The following NOTCH1 variants were observed in gnomAD, a reference collection of about 807,000 sequenced individuals.
NOTCH1 encodes the protein neurogenic locus notch homolog protein 1.
A neutral mutation model predicts 254.8 loss-of-function variants in NOTCH1; 37 were observed. That is an observed-to-expected ratio of 0.15 (90% CI 0.11 to 0.19). The LOEUF (loss-of-function observed/expected upper bound fraction) is 0.19. Ranked by LOEUF, NOTCH1 falls within the 10% of genes least tolerant of loss-of-function variation. NOTCH1 has a pLI of 1.00. For missense variants in NOTCH1, 2,972 were observed against 3,708.6 expected, an observed-to-expected ratio of 0.80 and a Z score of 5.16; for synonymous variants, 1,731 against 1,618.1, an observed-to-expected ratio of 1.07 and a Z score of -1.68.
rs2133339484 is a variant in NOTCH1, at chr9:136,505,518, T to C, written c.4378A>G (p.Asn1460Asp). 6.2e-7 allele frequency: 1 copy of C among 1,612,642 alleles called. No individual in the cohort carries two copies. The highest frequency in any genetic ancestry group is 8.5e-7 in the Non-Finnish European group (1 of 1,179,954). The change falls in exon 25 of 34, where the codon AAC (asparagine) becomes GAC (aspartate). Residue 1460 changes from asparagine (N) to aspartate (D), a missense_variant. By Grantham distance (23) the Asn-to-Asp change is conservative (BLOSUM62 1). Transcript: ENST00000651671. ...TTGCACTGCAGGCTGCAGACCTTGT[T>C]GCCCGCGTCCTCCTGGCACTCGGGC... ...ELPECQEDAG[N>D]KVCSLQCNNH...
At chr9:136,535,082 T>C (rs544339969) in intron 2 of NOTCH1, among the ~76,000 whole-genome samples, 1 of 73,400 alleles carries the variant, frequency 1.4e-5, no homozygotes, top group East Asian at 4.3e-4. Context: ...TTCCAGGAAA[T>C]TGCAGGAACC....
At chr9:136,543,800 G>A in intron 2 of NOTCH1, 1 of 628,574 alleles carries the variant, frequency 1.6e-6, no homozygotes. Flanking sequence ...GGCCCACGGA[G>A]GAGTGCCCAA....
chr9:136,518,890 C>A, intron 5 of NOTCH1, 66 bp from the exon 6 acceptor site: 1 of 1,451,288 alleles, frequency 6.9e-7, no homozygotes, highest in Non-Finnish European at 9.6e-7. Context: ...TCCCCTAAGA[C>A]GCAGGGTGGC....
chr9:136,522,565 C>A (rs1356821489), intron 4 of NOTCH1: 1 of 475,206 alleles, frequency 2.1e-6, no homozygotes, highest in Non-Finnish European at 3.7e-6. Context: ...AGGGTGCCTG[C>A]ACTGGGGGGA....
intron 27 of NOTCH1, chr9:136,502,926 G>A (rs566795857): frequency 4.4e-6 from 3 of 680,396 alleles, no homozygotes; most frequent in South Asian, 1.5e-5. Flanking sequence ...AATTCAGGAG[G>A]AAAGGGTGGG....
rs769619561 is a variant in NOTCH1, at chr9:136,507,378, G to A, written c.3570C>T (p.His1190=). ...GGCAGGTGCCCCCGTTCTGGCAGGG[G>A]TGGGAGAGGCACTCGTCGATCTCCT... ...CSEEIDECLS[H]PCQNGGTCLD... Residue 1190 remains histidine, a synonymous_variant, in exon 22 of 34, where the codon CAC becomes CAT. Transcript: ENST00000651671. The A allele has an allele frequency of 1.2e-6, 2 of 1,612,586 alleles. No individual in the cohort carries two copies. Among genetic ancestry groups the A allele is most frequent in the Non-Finnish European group, 1.7e-6 (2 of 1,179,796 alleles).
intron 6 of NOTCH1, 110 bp from the exon 7 acceptor site, chr9:136,518,402 AC>A: frequency 7.0e-7 from 1 of 1,425,106 alleles, no homozygotes; most frequent in Non-Finnish European, 9.6e-7. Context: ...GCCCGCCGTG[AC>A]CCCGTCGGGC....
chr9:136,499,440 TG>T (rs1158481054), intron 31 of NOTCH1, among the ~76,000 whole-genome samples, 181 bp from the exon 32 acceptor site: 1 of 152,172 alleles, frequency 6.6e-6, no homozygotes. Flanking sequence ...GGGGCCCGGA[TG>T]GGGGCAGGGG....
chr9:136,532,523 C>A lies in NOTCH1; in HGVS notation c.141-8544G>T, dbSNP rs1186458441. Among the ~76,000 whole-genome samples the A allele has an allele frequency of 2.0e-5, 3 of 152,208 alleles. No individual in the cohort carries two copies. In the East Asian group the frequency reaches 5.8e-4, roughly 29 times the overall value. On this transcript the variant is annotated intron_variant, in intron 2 of 33. Coordinates refer to ENST00000651671, the MANE Select transcript of NOTCH1 (RefSeq NM_017617.5). ...GGGCCCCCACAGCACCAGGAAGGGG[C>A]TCCAGGGTGGATGACACAGATGACA...
Position 136,500,851 on chromosome 9 carries a change from C to G in NOTCH1, c.5639-4G>C, listed in dbSNP as rs2133326894. On this transcript the variant is annotated splice_region_variant and splice_polypyrimidine_tract_variant and intron_variant, in intron 30 of 33. Transcript: ENST00000651671. Reference sequence around the variant, plus strand: ...ATCATGAGCGGGGTGAAGCCATCTGCAGAGGCAGAGACGGGTGCTCAGTCT... The same window carrying G: ...ATCATGAGCGGGGTGAAGCCATCTGGAGAGGCAGAGACGGGTGCTCAGTCT... 1.3e-6 allele frequency: 2 copies of G among 1,588,068 alleles called. No individual in the cohort carries two copies. Among genetic ancestry groups the G allele is most frequent in the South Asian group, 2.2e-5 (2 of 90,136 alleles).
At chr9:136,534,430 G>A (rs1331855025) in intron 2 of NOTCH1, among the ~76,000 whole-genome samples, 1 of 152,172 alleles carries the variant, frequency 6.6e-6, no homozygotes, top group Non-Finnish European at 1.5e-5. Flanking sequence ...AGCAAGGTCG[G>A]GGCGTGTCAC....
At chr9:136,536,934 G>A (rs576486110) in intron 2 of NOTCH1, among the ~76,000 whole-genome samples, 8 of 152,358 alleles carry the variant, frequency 5.3e-5, no homozygotes, top group Middle Eastern at 3.4e-3. Flanking sequence ...CAGTGACCGC[G>A]GCCCCACTGT....
intron 4 of NOTCH1, among the ~76,000 whole-genome samples, chr9:136,520,772 C>T (rs1031292556): frequency 6.6e-6 from 1 of 151,808 alleles, no homozygotes; most frequent in Admixed American, 6.6e-5. Context: ...GCCTGAGTCC[C>T]GGTCCCACTC....
At position 136,542,860 on chromosome 9, in the gene NOTCH1, A is replaced by G. The variant is rs77176962; in HGVS notation, c.140+1164T>C. On this transcript the variant is annotated intron_variant, in intron 2 of 33. Coordinates refer to ENST00000651671, the MANE Select transcript of NOTCH1 (RefSeq NM_017617.5). ...TTTTCCAGACACCAAACACCTCCTC[A>G]TTATTCTCATCAGGGATGGACTCAA... is the stretch of plus-strand genomic sequence containing the variant. 6.2e-3 allele frequency: 950 copies of G among 152,306 alleles called. 13 individuals are homozygous for G. Among genetic ancestry groups the G allele is most frequent in the African/African-American group, 0.022 (902 of 41,504 alleles). 9.4% of individuals were successfully genotyped at this position (152,306 alleles called of 1,614,324 possible).
chr9:136,520,228 C>T (rs1448338957), intron 4 of NOTCH1, among the ~76,000 whole-genome samples: 1 of 152,216 alleles, frequency 6.6e-6, no homozygotes, highest in Admixed American at 6.5e-5. Flanking sequence ...TCGGCAACAG[C>T]CAAACCTGCA....
In NOTCH1 at chr9:136,503,387, C is replaced by T. The variant is rs568173619; in HGVS notation, c.5019-57G>A. ...CGAGGCTTCCTCCTCCCCCGCCCAC[C>T]GGCCAGGGATGCTGCCGCAGGACAC... On this transcript the variant is annotated intron_variant, in intron 26 of 33. Coordinates refer to ENST00000651671, the MANE Select transcript of NOTCH1 (RefSeq NM_017617.5). The T allele has an allele frequency of 5.4e-4, 872 of 1,610,166 alleles. 4 individuals carry two copies. The Middle Eastern group carries it at 0.017, about 32-fold the overall frequency.
Position 136,521,230 on chromosome 9 carries a change from C to A in NOTCH1, c.742+1620G>T, listed in dbSNP as rs180814224. 1.2e-3 allele frequency among the ~76,000 whole-genome samples: 187 copies of A among 152,236 alleles called. 1 individual carries two copies. The highest frequency in any genetic ancestry group is 2.8e-4 in the Non-Finnish European group (19 of 67,982). Reference sequence around the variant, plus strand: ...GGATGGTCATCTCACCCTGAAACGGCCAGACTCCACAGCAGGCAGTGAGCA... The same window carrying A: ...GGATGGTCATCTCACCCTGAAACGGACAGACTCCACAGCAGGCAGTGAGCA... On this transcript the variant is annotated intron_variant, in intron 4 of 33. Transcript: ENST00000651671.
Position 136,495,061 on chromosome 9 carries a change from G to C in NOTCH1, c.*1010C>G, listed in dbSNP as rs1395694048. 1 of 398,960 alleles carries C rather than the reference G, an allele frequency of 2.5e-6. No individual in the cohort carries two copies. The highest frequency in any genetic ancestry group is 4.4e-6 in the Non-Finnish European group (1 of 226,138). 24.7% of individuals were successfully genotyped at this position (398,960 alleles called of 1,614,324 possible). A position where few individuals can be genotyped will look rare whatever the true frequency, so the allele number is the denominator to read the frequency against. On this transcript the variant is annotated 3_prime_UTR_variant, in exon 34 of 34. Coordinates refer to ENST00000651671, the MANE Select transcript of NOTCH1 (RefSeq NM_017617.5). Reference sequence around the variant, plus strand: ...GCCCACGGGGGGTCGGGTCCCGCGAGCTGGGGCCCAGGCTGTGTTGCTGGA... The same window carrying C: ...GCCCACGGGGGGTCGGGTCCCGCGACCTGGGGCCCAGGCTGTGTTGCTGGA...
At chr9:136,544,135 C>T (rs1843775832) in intron 1 of NOTCH1, 33 bp from the exon 2 acceptor site, 12 of 1,536,970 alleles carry the variant, frequency 7.8e-6, no homozygotes, top group Non-Finnish European at 1.1e-5. Context: ...AGGTCAGTCT[C>T]ACCCGCACCA....
Sources: gnomAD v4.1 joint callset for allele counts (sites outside exome capture counted in the v4.1 genomes callset) on GRCh38, gnomAD v4.1.1 for gene constraint, MANE v1.5 for transcripts, NCBI Gene and HGNC (gene_info 2026-07-23, HGNC 2026-07-21) for gene names.